Variants in PLD1 observed in about 807,000 individuals in gnomAD.
PLD1 encodes choline phosphatase 1.
In PLD1, 112 loss-of-function variants were observed where a neutral mutation model predicts 137.1. That is an observed-to-expected ratio of 0.82 (90% CI 0.70 to 0.96). The LOEUF (loss-of-function observed/expected upper bound fraction) is 0.96, where lower values mean the gene tolerates loss of function less well. PLD1 is among the 40% of genes least tolerant of loss of function. PLD1 has a pLI of 0.00. For missense variants in PLD1, 1,321 were observed against 1,342.0 expected, an observed-to-expected ratio of 0.98 and a Z score of 0.24; for synonymous variants, 431 against 454.7, an observed-to-expected ratio of 0.95 and a Z score of 0.66.
intron 5 of PLD1, among the ~76,000 whole-genome samples, chr3:171,734,042 T>G (rs930287772): frequency 1.3e-5 from 2 of 152,210 alleles, no homozygotes; most frequent in African/African-American, 4.8e-5. Context: ...GAGCAACATA[T>G]GTCAATCATA....
Position 171,708,815 on chromosome 3 carries a change from A to G in PLD1, c.1085T>C (p.Phe362Ser), listed in dbSNP as rs747889516. ...AKWYVNAKGY[F>S]EDVANAMEEA... The stretch of plus-strand genomic sequence containing the variant: ...TTCCATTGCATTTGCCACATCTTCA[A>G]AATATCCTTTGGCATTAACATACCT... Residue 362 changes from phenylalanine (F) to serine (S), a missense_variant, in exon 11 of 27, where the codon TTT becomes TCT. Transcript: ENST00000351298. The G allele has an allele frequency of 7.5e-6, 12 of 1,592,328 alleles. No individual in the cohort carries two copies. Among genetic ancestry groups the G allele is most frequent in the Middle Eastern group, 1.7e-4 (1 of 6,044 alleles).
At chr3:171,686,077 C>T (rs6791958) in intron 16 of PLD1, among the ~76,000 whole-genome samples, 149,967 of 150,230 alleles carry the variant, frequency 1, 74,853 homozygotes, top group East Asian at 1. Flanking sequence ...TGAGCCAAGA[C>T]GGCCCTACTG....
chr3:171,608,594 A>G (rs973838404), intron 25 of PLD1, among the ~76,000 whole-genome samples: 2 of 152,234 alleles, frequency 1.3e-5, no homozygotes, highest in Non-Finnish European at 2.9e-5. Flanking sequence ...ATGGCATAAC[A>G]GAGAGACTAG....
At chr3:171,749,942 T>A (rs1489000070) in intron 1 of PLD1, among the ~76,000 whole-genome samples, 1 of 152,106 alleles carries the variant, frequency 6.6e-6, no homozygotes, top group Non-Finnish European at 1.5e-5. Context: ...GGTGTTTGAG[T>A]CCAAGCAAGT....
At chr3:171,655,318 C>A (rs1355128747) in intron 21 of PLD1, among the ~76,000 whole-genome samples, 1 of 152,068 alleles carries the variant, frequency 6.6e-6, no homozygotes, top group Non-Finnish European at 1.5e-5. Flanking sequence ...AAAGGGGTCA[C>A]CCCAGGGTGG....
intron 1 of PLD1, among the ~76,000 whole-genome samples, chr3:171,763,961 T>C (rs1427561325): frequency 6.6e-6 from 1 of 151,708 alleles, no homozygotes; most frequent in Non-Finnish European, 1.5e-5. Flanking sequence ...AAATGCTGAA[T>C]GGCATTAGCG....
chr3:171,625,984 G>T (rs1054214595), intron 23 of PLD1, among the ~76,000 whole-genome samples: 3 of 152,172 alleles, frequency 2.0e-5, no homozygotes, highest in African/African-American at 7.2e-5. Flanking sequence ...CACCAGCAAC[G>T]GAACAAAGCT....
intron 6 of PLD1, among the ~76,000 whole-genome samples, chr3:171,731,338 T>A (rs79207178): frequency 6.6e-6 from 1 of 152,212 alleles, no homozygotes; most frequent in Non-Finnish European, 1.5e-5. Flanking sequence ...TTCACAAATA[T>A]GAGGCAGAGG....
chr3:171,764,666 A>C (rs1338238144), intron 1 of PLD1, among the ~76,000 whole-genome samples: 2 of 151,742 alleles, frequency 1.3e-5, no homozygotes, highest in Admixed American at 6.6e-5. Flanking sequence ...TTAATCTCAC[A>C]CTCAGGACAC....
At chr3:171,796,106 T>A (rs1380877334) in intron 1 of PLD1, among the ~76,000 whole-genome samples, 1 of 152,218 alleles carries the variant, frequency 6.6e-6, no homozygotes, top group Non-Finnish European at 1.5e-5. Context: ...TTCAATCCAG[T>A]TCCCCAAACA....
At chr3:171,613,226 C>T (rs115191927) in intron 24 of PLD1, among the ~76,000 whole-genome samples, 699 of 152,284 alleles carry the variant, frequency 4.6e-3, no homozygotes, top group African/African-American at 0.016. Context: ...GTCTTTAAGT[C>T]ATTGAATTAG....
chr3:171,603,170 C>T lies in PLD1; in HGVS notation c.3133G>A (p.Val1045Met), dbSNP rs140343065. The T allele has an allele frequency of 2.0e-5, 33 of 1,613,960 alleles. No homozygotes were observed. In the African/African-American group the frequency reaches 3.9e-4, roughly 19 times the overall value. ...GACAAGAAATAAAAGGGGAATTGCA[C>T]CAAAAATCCACGGATCTTCTTCAGT... ...EELKKIRGFLVQFPFYFLSEE... is the reference protein window; with the variant it reads ...EELKKIRGFLMQFPFYFLSEE... The change falls in exon 27 of 27, where the codon GTG (valine) becomes ATG (methionine). Residue 1045 changes from valine (V) to methionine (M), a missense_variant. Physicochemically the swap from Val to Met is conservative, Grantham distance 21. Transcript: ENST00000351298.
intron 16 of PLD1, among the ~76,000 whole-genome samples, chr3:171,681,700 TCCCTCA>T: frequency 6.6e-6 from 1 of 152,290 alleles, no homozygotes; most frequent in Non-Finnish European, 1.5e-5. Context: ...AGGAGTATCT[TCCCTCA>T]ATGAATTACT....
At chr3:171,689,237 A>G (rs953406606) in intron 13 of PLD1, among the ~76,000 whole-genome samples, 1 of 152,028 alleles carries the variant, frequency 6.6e-6, no homozygotes, top group Non-Finnish European at 1.5e-5. Context: ...AAAATATTTA[A>G]CTACTATTTA....
chr3:171,735,411 C>G, intron 4 of PLD1, 81 bp downstream of exon 4: 3 of 1,153,236 alleles, frequency 2.6e-6, no homozygotes, highest in Admixed American at 3.4e-5. Context: ...GGTGAGATTA[C>G]AGGTGTGAGC....
At chr3:171,611,479 A>C (rs1732652898) in intron 25 of PLD1, 1 of 429,394 alleles carries the variant, frequency 2.3e-6, no homozygotes, top group African/African-American at 2.0e-5. Flanking sequence ...AAAGTTCTAA[A>C]TAACACTTTA....
At chr3:171,605,913 T>C (rs1732166038) in intron 25 of PLD1, among the ~76,000 whole-genome samples, 2 of 152,212 alleles carry the variant, frequency 1.3e-5, no homozygotes, top group African/African-American at 2.4e-5. Flanking sequence ...AATAGGAAAA[T>C]TGGCCTTGTA....
chr3:171,652,392 G>A (rs1339962931), intron 21 of PLD1, among the ~76,000 whole-genome samples: 2 of 140,896 alleles, frequency 1.4e-5, no homozygotes, highest in South Asian at 4.6e-4. Context: ...CAGCCTCGGC[G>A]ACAGAGTGAG....
chr3:171,606,175 G>A (rs1209243554), intron 25 of PLD1, among the ~76,000 whole-genome samples: 1 of 152,186 alleles, frequency 6.6e-6, no homozygotes, highest in Non-Finnish European at 1.5e-5. Flanking sequence ...AATGTAGGGT[G>A]TGTCAAAAAG....
Sources: allele counts gnomAD v4.1 joint callset (sites outside exome capture counted in the v4.1 genomes callset), GRCh38; gene constraint gnomAD v4.1.1; transcripts MANE v1.5; gene names NCBI Gene and HGNC (gene_info 2026-07-23, HGNC 2026-07-21).